TTLL11: variants seen among roughly 807,000 people sequenced by gnomAD.
TTLL11 encodes the protein tubulin tyrosine ligase like 11.
A neutral mutation model predicts 51.7 loss-of-function variants in TTLL11; 42 were observed. That is an observed-to-expected ratio of 0.81 (90% CI 0.64 to 1.05). The LOEUF is 1.05. Among genes scored for constraint, TTLL11 ranks in the 50% least tolerant of loss-of-function variants. The pLI, the probability that TTLL11 is intolerant of heterozygous loss-of-function variation, is 0.00. For synonymous variants in TTLL11, 381 were observed against 383.5 expected (o/e 0.99, Z 0.08); for missense variants, 799 against 940.4 (o/e 0.85, Z 1.97).
intron 3 of TTLL11, among the ~76,000 whole-genome samples, chr9:122,011,803 A>G (rs1843798896): frequency 6.6e-6 from 1 of 152,326 alleles, no homozygotes; most frequent in South Asian, 2.1e-4. Flanking sequence ...AAGCTAAAAG[A>G]AAAAGAAGGG....
chr9:122,041,598 A>G (rs1311632770), intron 1 of TTLL11, among the ~76,000 whole-genome samples: 3 of 152,218 alleles, frequency 2.0e-5, no homozygotes, highest in Non-Finnish European at 4.4e-5. Context: ...ATCAACACAT[A>G]AAAATCAACT....
At chr9:121,935,539 A>G (rs1841173090) in intron 6 of TTLL11, among the ~76,000 whole-genome samples, 1 of 152,220 alleles carries the variant, frequency 6.6e-6, no homozygotes, top group African/African-American at 2.4e-5. Flanking sequence ...ATGAAAAGCC[A>G]CTGAAGTGTT....
intron 8 of TTLL11, among the ~76,000 whole-genome samples, chr9:121,844,296 A>G (rs1008684708): frequency 1.4e-5 from 2 of 140,598 alleles, no homozygotes; most frequent in Non-Finnish European, 3.0e-5. Flanking sequence ...ATAGGGAGAG[A>G]AAAAAAAACA....
At chr9:121,933,514 T>C (rs1244558139) in intron 6 of TTLL11, among the ~76,000 whole-genome samples, 1 of 152,084 alleles carries the variant, frequency 6.6e-6, no homozygotes, top group Non-Finnish European at 1.5e-5. Context: ...TGGAGATCAG[T>C]GGTGTTCAAA....
At chr9:121,988,063 G>A (rs984323638) in intron 4 of TTLL11, among the ~76,000 whole-genome samples, 1 of 151,834 alleles carries the variant, frequency 6.6e-6, no homozygotes, top group East Asian at 1.9e-4. Context: ...TCAGCCTCAG[G>A]TTCTCCCTGC....
intron 2 of TTLL11, 58 bp downstream of exon 2, chr9:122,039,214 G>C: frequency 7.3e-7 from 1 of 1,373,530 alleles, no homozygotes; most frequent in Non-Finnish European, 1.0e-6. Flanking sequence ...TAGTAGAAGA[G>C]TGTATCTGAG....
At chr9:122,080,866 G>C (rs1845987417) in intron 1 of TTLL11, among the ~76,000 whole-genome samples, 2 of 151,054 alleles carry the variant, frequency 1.3e-5, no homozygotes, top group African/African-American at 2.4e-5. Flanking sequence ...TTAACAAAAA[G>C]TTGTATAGCA....
chr9:121,953,632 C>CA lies in TTLL11; in HGVS notation c.1481+20376dup, dbSNP rs57176138. Among the ~76,000 whole-genome samples, 606 of 70,842 alleles carry CA rather than the reference C, an allele frequency of 8.6e-3. 6 individuals carry two copies. Among genetic ancestry groups the CA allele is most frequent in the Admixed American group, 0.033 (207 of 6,258 alleles). The allele number at this position is 70,842 out of a possible 152,430, so 46.5% of individuals were successfully genotyped here. Reference sequence around the variant, plus strand: ...TGGGTGACAGAGCAAGATGCCGCCTCAAAAAAAAAAAAAAAAAAAAAAGAA... The same window carrying CA: ...TGGGTGACAGAGCAAGATGCCGCCTCAAAAAAAAAAAAAAAAAAAAAAAGAA... On this transcript the variant is annotated intron_variant, in intron 6 of 8. Coordinates refer to ENST00000321582, the MANE Select transcript of TTLL11 (RefSeq NM_001139442.2).
chr9:121,924,127 G>A (rs945151028), intron 6 of TTLL11, among the ~76,000 whole-genome samples: 1 of 152,270 alleles, frequency 6.6e-6, no homozygotes, highest in Middle Eastern at 3.4e-3. Flanking sequence ...CCAGTCTCAG[G>A]TATGTCTTTA....
At chr9:121,974,573 A>G (rs80032967) in intron 5 of TTLL11, among the ~76,000 whole-genome samples, 4,777 of 152,260 alleles carry the variant, frequency 0.031, 223 homozygotes, top group African/African-American at 0.11. Context: ...TCATACTCAT[A>G]GAATTTCAAT....
rs1217962503 is a variant in TTLL11 at position 121,821,360 on chromosome 9, C to T, written c.*1227G>A. 3.9e-5 allele frequency among the ~76,000 whole-genome samples: 6 copies of T among 152,138 alleles called. No homozygotes were observed. Among genetic ancestry groups the T allele is most frequent in the Admixed American group, 2.0e-4 (3 of 15,278 alleles). ...TGCACCACACCAGGCACAGTACTAGCGCCTCAAATACTTTCCTGCACCTCG... is the reference window on the plus strand; with the variant it reads ...TGCACCACACCAGGCACAGTACTAGTGCCTCAAATACTTTCCTGCACCTCG... On this transcript the variant is annotated 3_prime_UTR_variant, in exon 9 of 9. Transcript: ENST00000321582. This position sits in a 1 kb window ranked among gnomAD's most constrained non-coding sequence, Gnocchi z 5.0.
Position 121,824,992 on chromosome 9 carries a change from C to A in TTLL11, c.1841-2113G>T, listed in dbSNP as rs559489866. ...AGCTCTTGGCCTTGGGTTCTTTTGA[C>A]TGCAGACATCCTACAAGGGCGCTGC... On this transcript the variant is annotated intron_variant, in intron 8 of 8. Coordinates refer to ENST00000321582, the MANE Select transcript of TTLL11 (RefSeq NM_001139442.2). 5.3e-5 allele frequency among the ~76,000 whole-genome samples: 8 copies of A among 152,322 alleles called. No homozygotes were observed. In the South Asian group the frequency reaches 1.7e-3, roughly 32 times the overall value.
chr9:122,032,823 C>A (rs1189740213), intron 2 of TTLL11, among the ~76,000 whole-genome samples: 3 of 148,836 alleles, frequency 2.0e-5, no homozygotes, highest in African/African-American at 7.5e-5. Flanking sequence ...GAAACACAGC[C>A]TTGCTTTAAT....
chr9:121,961,927 G>A lies in TTLL11; in HGVS notation c.1481+12082C>T, dbSNP rs186665714. On this transcript the variant is annotated intron_variant, in intron 6 of 8. Transcript: ENST00000321582. ...AAAAATTAGCCAGGCGTGGTGGTGGGTGCCTGTGATACCAGCTACTCGGGA... is the reference window on the plus strand; with the variant it reads ...AAAAATTAGCCAGGCGTGGTGGTGGATGCCTGTGATACCAGCTACTCGGGA... 3.8e-3 allele frequency among the ~76,000 whole-genome samples: 575 copies of A among 152,160 alleles called. 4 individuals are homozygous for A. Among genetic ancestry groups the A allele is most frequent in the African/African-American group, 0.013 (543 of 41,518 alleles).
rs1356842222 is a variant in TTLL11, at chr9:121,816,677, TGC to T, written c.*5908_*5909del. On this transcript the variant is annotated 3_prime_UTR_variant, in exon 9 of 9. Coordinates refer to ENST00000321582, the MANE Select transcript of TTLL11 (RefSeq NM_001139442.2). ...GTGTGTGCATGTGTGCGTGTGTGCATGCGTGTGCATCGTGTGTGCGTGCGTGT... is the reference window on the plus strand; with the variant it reads ...GTGTGTGCATGTGTGCGTGTGTGCATGTGTGCATCGTGTGTGCGTGCGTGT... The T allele has an allele frequency of 2.0e-5, 3 of 151,414 alleles. No individual in the cohort carries two copies. The highest frequency in any genetic ancestry group is 4.4e-5 in the Non-Finnish European group (3 of 68,004). 9.4% of individuals were successfully genotyped at this position (151,414 alleles called of 1,614,324 possible).
intron 6 of TTLL11, among the ~76,000 whole-genome samples, chr9:121,967,248 G>T (rs1842427059): frequency 3.3e-5 from 4 of 121,188 alleles, no homozygotes; most frequent in African/African-American, 1.2e-4. Context: ...TTTTTTGAGA[G>T]GAGTCTTGCT....
At chr9:122,045,215 G>A (rs1345392378) in intron 1 of TTLL11, among the ~76,000 whole-genome samples, 1 of 151,914 alleles carries the variant, frequency 6.6e-6, no homozygotes, top group Non-Finnish European at 1.5e-5. Context: ...AAAATCACTG[G>A]CTGATTGATC....
chr9:121,884,681 A>T (rs1838938881), intron 6 of TTLL11: 2 of 152,146 alleles, frequency 1.3e-5, no homozygotes, highest in Admixed American at 1.3e-4. Flanking sequence ...ATTATGAACA[A>T]ATTTAGAGCC....
At chr9:121,974,471 T>A (rs907648908) in intron 5 of TTLL11, among the ~76,000 whole-genome samples, 5 of 152,238 alleles carry the variant, frequency 3.3e-5, no homozygotes, top group South Asian at 2.1e-4. Context: ...CCAGTTTTTT[T>A]AAATGCATTT....
Sources: allele counts gnomAD v4.1 joint callset (sites outside exome capture counted in the v4.1 genomes callset), GRCh38; gene constraint gnomAD v4.1.1; non-coding constraint Gnocchi (gnomAD v3.1); transcripts MANE v1.5; gene names NCBI Gene and HGNC (gene_info 2026-07-23, HGNC 2026-07-21).